The following CNIH2 variants were observed in gnomAD, a reference collection of about 807,000 sequenced individuals.
The protein encoded by CNIH2 is cornichon family AMPA receptor auxiliary protein 2, also known as protein cornichon homolog 2.
In CNIH2, 8 loss-of-function variants were observed where a neutral mutation model predicts 22.9. The ratio of observed to expected loss-of-function variants is 0.35; its 90% confidence interval spans 0.20 to 0.63. CNIH2 has a LOEUF of 0.63. Ranked by LOEUF, CNIH2 falls within the 30% of genes least tolerant of loss-of-function variation. The pLI is 0.72. For synonymous variants in CNIH2, 74 were observed against 78.2 expected, an observed-to-expected ratio of 0.95 and a Z score of 0.28; for missense variants, 105 against 206.2, an observed-to-expected ratio of 0.51 and a Z score of 3.01.
At chr11:66,282,374 T>A in intron 2 of CNIH2, 47 bp downstream of exon 2, 2 of 1,381,134 alleles carry the variant, frequency 1.4e-6, no homozygotes, top group Non-Finnish European at 1.9e-6. Context: ...CCGTCTGTCT[T>A]TCCATCTGTC....
intron 1 of CNIH2, 69 bp from the exon 2 acceptor site, chr11:66,282,190 C>CA: frequency 7.3e-7 from 1 of 1,372,112 alleles, no homozygotes; most frequent in Non-Finnish European, 1.0e-6. Context: ...TAAACTATCC[C>CA]ACAGAAGGAC....
intron 1 of CNIH2, 22 bp from the exon 2 acceptor site, chr11:66,282,237 C>T (rs756950072): frequency 6.2e-7 from 1 of 1,607,816 alleles, no homozygotes; most frequent in Admixed American, 1.7e-5. Flanking sequence ...CCAACCCTGA[C>T]GGGCACACGC....
Position 66,278,418 on chromosome 11 carries a change from G to C in CNIH2, c.-39G>C. 9.6e-7 allele frequency: 1 copy of C among 1,043,002 alleles called. No homozygotes were observed. The highest frequency in any genetic ancestry group is 1.2e-6 in the Non-Finnish European group (1 of 851,242). The allele number at this position is 1,043,002 out of a possible 1,614,324, so 64.6% of individuals were successfully genotyped here. ...GGGCGTCCCCTTGCGCCCGGGCCCC[G>C]CGCTGGCGCCCCCCGGGCCGCCGCC... On this transcript the variant is annotated 5_prime_UTR_variant, in exon 1 of 6. Coordinates refer to ENST00000311445, the MANE Select transcript of CNIH2 (RefSeq NM_182553.3).
Position 66,283,019 on chromosome 11 carries a change from A to G in CNIH2, c.199-16A>G, listed in dbSNP as rs1325946058. 5 of 1,605,890 alleles carry G rather than the reference A, an allele frequency of 3.1e-6. No homozygotes were observed. The Admixed American group carries it at 8.3e-5, about 27-fold the overall frequency. ...CATAGCACCAGGCCGCTGACCTCTC[A>G]CCCTCACTCCCCCAGCTGGTGGTCC... On this transcript the variant is annotated splice_polypyrimidine_tract_variant and intron_variant, in intron 3 of 5. Coordinates refer to ENST00000311445, the MANE Select transcript of CNIH2 (RefSeq NM_182553.3).
chr11:66,282,289 T>C lies in CNIH2; in HGVS notation c.112T>C (p.Phe38Leu). 6.2e-6 allele frequency: 10 copies of C among 1,613,824 alleles called. No individual in the cohort carries two copies. The highest frequency in any genetic ancestry group is 1.1e-5 in the South Asian group (1 of 91,090). ...AGCCTTTGATGAGCTGCGGACCGAC[T>C]TCAAGAACCCCATCGACCAGGGGAA... is the stretch of plus-strand genomic sequence containing the variant. Reference protein sequence around the residue: ...IIAFDELRTDFKNPIDQGNPA... With the variant: ...IIAFDELRTDLKNPIDQGNPA... The change falls in exon 2 of 6, where the codon TTC becomes CTC. Residue 38 changes from phenylalanine to leucine, a missense_variant. Transcript: ENST00000311445.
chr11:66,282,247 C>A lies in CNIH2; in HGVS notation c.82-12C>A. On this transcript the variant is annotated splice_polypyrimidine_tract_variant and intron_variant, in intron 1 of 5. Transcript: ENST00000311445. Reference sequence around the variant, plus strand: ...CTGCCCCAACCCTGACGGGCACACGCCCCTCCCCCAGATCATAGCCTTTGA... The same window carrying A: ...CTGCCCCAACCCTGACGGGCACACGACCCTCCCCCAGATCATAGCCTTTGA... 6.2e-7 allele frequency: 1 copy of A among 1,612,452 alleles called. No individual in the cohort carries two copies. The highest frequency in any genetic ancestry group is 8.5e-7 in the Non-Finnish European group (1 of 1,178,810).
In CNIH2 at chr11:66,280,040, A is replaced by T. The variant is rs192985834; in HGVS notation, c.81+1503A>T. On this transcript the variant is annotated intron_variant, in intron 1 of 5. Transcript: ENST00000311445. ...AGCTCCTGGGAGAAGGGCTCCTGGA[A>T]TTCAAGAAGCCTCTTTTTGGGGCCT... is the stretch of plus-strand genomic sequence containing the variant. Among the ~76,000 whole-genome samples, 783 of 152,340 alleles carry T rather than the reference A, an allele frequency of 5.1e-3. 2 individuals carry two copies. The highest frequency in any genetic ancestry group is 8.6e-3 in the Non-Finnish European group (586 of 68,024).
At position 66,283,400 on chromosome 11, in the gene CNIH2, T is replaced by C; in HGVS notation, c.455+9T>C. 1.2e-6 allele frequency: 2 copies of C among 1,613,996 alleles called. No individual in the cohort carries two copies. The highest frequency in any genetic ancestry group is 2.2e-5 in the East Asian group (1 of 44,880). On this transcript the variant is annotated intron_variant, in intron 5 of 5. Coordinates refer to ENST00000311445, the MANE Select transcript of CNIH2 (RefSeq NM_182553.3). ...TTCTATTACCTGTACAGGTGAGGCC[T>C]TGCCCACAGCAGTCAGAACTCAGGG...
At chr11:66,281,295 C>A (rs146215900) in intron 1 of CNIH2, 187 of 443,730 alleles carry the variant, frequency 4.2e-4, no homozygotes, top group African/African-American at 3.5e-3. Context: ...AGCCGTGTGG[C>A]CCTGGACAAG....
intron 2 of CNIH2, 102 bp downstream of exon 2, chr11:66,282,429 G>GGGGGGGGGGCCC: frequency 2.1e-6 from 1 of 479,462 alleles, no homozygotes; most frequent in Non-Finnish European, 4.2e-6. Context: ...GGGGTGGGGG[G>GGGGGGGGGGCCC]CCTACGGCCA....
At chr11:66,279,282 T>C (rs1187536935) in intron 1 of CNIH2, among the ~76,000 whole-genome samples, 1 of 151,892 alleles carries the variant, frequency 6.6e-6, no homozygotes, top group Non-Finnish European at 1.5e-5. Context: ...CCATTCCTCA[T>C]CCTGCATCCG....
intron 1 of CNIH2, among the ~76,000 whole-genome samples, chr11:66,280,631 G>C (rs1342511796): frequency 6.6e-6 from 1 of 152,174 alleles, no homozygotes; most frequent in African/African-American, 2.4e-5. Flanking sequence ...AGGCAGCCTG[G>C]GGGGTGGGAG....
At chr11:66,281,577 AAGTC>A (rs1590891683) in intron 1 of CNIH2, 1 of 434,186 alleles carries the variant, frequency 2.3e-6, no homozygotes, top group Non-Finnish European at 4.7e-6. Context: ...GTGTTAAAGT[AAGTC>A]CAAACTCCTG....
chr11:66,283,857 C>A lies in CNIH2; in HGVS notation c.*260C>A. On this transcript the variant is annotated 3_prime_UTR_variant, in exon 6 of 6. Transcript: ENST00000311445. ...CCAGCCTGTGGGCATGGCAGTCATT[C>A]CTGGAAGGGGCAGGACCTCCGGCCT... 2.0e-6 allele frequency: 1 copy of A among 510,026 alleles called. No individual in the cohort carries two copies. Among genetic ancestry groups the A allele is most frequent in the Non-Finnish European group, 3.5e-6 (1 of 283,660 alleles). The allele number at this position is 510,026 out of a possible 1,614,324, so 31.6% of individuals were successfully genotyped here.
intron 5 of CNIH2, 28 bp downstream of exon 5, chr11:66,283,419 C>T (rs766835841): frequency 6.2e-7 from 1 of 1,613,652 alleles, no homozygotes; most frequent in African/African-American, 1.3e-5. Flanking sequence ...GCAGTCAGAA[C>T]TCAGGGAAGG....
At position 66,278,393 on chromosome 11, in the gene CNIH2, GGGCGTCCCCTTGCGCCCGGGCCCCGCGCT is replaced by G; in HGVS notation, c.-59_-31del. 1 of 647,678 alleles carries G rather than the reference GGGCGTCCCCTTGCGCCCGGGCCCCGCGCT, an allele frequency of 1.5e-6. No individual in the cohort carries two copies. Among genetic ancestry groups the G allele is most frequent in the Non-Finnish European group, 1.9e-6 (1 of 516,536 alleles). The allele number at this position is 647,678 out of a possible 1,614,324, so 40.1% of individuals were successfully genotyped here. A position where few individuals can be genotyped will look rare whatever the true frequency, so the allele number is the denominator to read the frequency against. On this transcript the variant is annotated 5_prime_UTR_variant, in exon 1 of 6. Transcript: ENST00000311445. ...CGGCCGGCCCTAAGCGCGGGCCGGG[GGGCGTCCCCTTGCGCCCGGGCCCCGCGCT>G]GGCGCCCCCCGGGCCGCCGCCCGGC...
At position 66,283,750 on chromosome 11, in the gene CNIH2, C is replaced by G; in HGVS notation, c.*153C>G. The G allele has an allele frequency of 1.3e-6, 1 of 767,070 alleles. No individual in the cohort carries two copies. The highest frequency in any genetic ancestry group is 2.1e-6 in the Non-Finnish European group (1 of 482,788). The allele number at this position is 767,070 out of a possible 1,614,324, so 47.5% of individuals were successfully genotyped here. On this transcript the variant is annotated 3_prime_UTR_variant, in exon 6 of 6. Transcript: ENST00000311445. ...CCCCCAAACTGCTGCTGCGGGGAAC[C>G]CCCCCCACCCCGCCTTCAGAGCCCT...
At position 66,281,549 on chromosome 11, in the gene CNIH2, C is replaced by G. The variant is rs1285330992; in HGVS notation, c.82-710C>G. The G allele has an allele frequency of 6.8e-6, 3 of 442,094 alleles. No individual in the cohort carries two copies. The Admixed American group carries it at 7.2e-5, about 11-fold the overall frequency. 27.4% of individuals were successfully genotyped at this position (442,094 alleles called of 1,614,324 possible). A position where few individuals can be genotyped will look rare whatever the true frequency, so the allele number is the denominator to read the frequency against. ...CTCTGCTGCTGTGTACTCTTCAATG[C>G]CTCCCCCCAAAATTTTTGTGTTAAA... On this transcript the variant is annotated intron_variant, in intron 1 of 5. Transcript: ENST00000311445.
intron 2 of CNIH2, 156 bp downstream of exon 2, chr11:66,282,483 C>G (rs1159673539): frequency 2.0e-6 from 2 of 1,008,358 alleles, no homozygotes; most frequent in Non-Finnish European, 3.0e-6. Flanking sequence ...ACACCTGGCG[C>G]GGGCTCAGGG....
Sources: allele counts gnomAD v4.1 joint callset (sites outside exome capture counted in the v4.1 genomes callset), GRCh38; gene constraint gnomAD v4.1.1; transcripts MANE v1.5; gene names NCBI Gene and HGNC (gene_info 2026-07-23, HGNC 2026-07-21).